CLEC4C: variants seen among roughly 807,000 people sequenced by gnomAD.
CLEC4C encodes the protein C-type lectin domain family 4 member C.
Under a neutral mutation model 27.7 loss-of-function variants are expected in CLEC4C, and 17 were observed. The ratio of observed to expected loss-of-function variants is 0.61; its 90% confidence interval spans 0.42 to 0.92. CLEC4C has a LOEUF of 0.92. CLEC4C is among the 40% of genes least tolerant of loss of function. CLEC4C has a pLI of 0.00. For synonymous variants in CLEC4C, 80 were observed against 80.8 expected, an observed-to-expected ratio of 0.99 and a Z score of 0.06; for missense variants, 244 against 257.3, an observed-to-expected ratio of 0.95 and a Z score of 0.35.
intron 4 of CLEC4C, among the ~76,000 whole-genome samples, chr12:7,732,387 C>T (rs1864616468): frequency 7.0e-6 from 1 of 142,852 alleles, no homozygotes; most frequent in Non-Finnish European, 1.5e-5. Context: ...GAGTCTCACT[C>T]TGTCGCCAGG....
chr12:7,746,953 T>C (rs1323959098), intron 1 of CLEC4C, among the ~76,000 whole-genome samples: 3 of 152,138 alleles, frequency 2.0e-5, no homozygotes, highest in Non-Finnish European at 4.4e-5. Flanking sequence ...GCCTCCCAAG[T>C]AGCTGGGATT....
chr12:7,737,287 T>C, intron 4 of CLEC4C, 142 bp downstream of exon 4: 1 of 666,600 alleles, frequency 1.5e-6, no homozygotes, highest in Non-Finnish European at 2.4e-6. Flanking sequence ...GAGATTTTCC[T>C]GTGTTTTTTG....
In CLEC4C at chr12:7,729,712, G is replaced by C; in HGVS notation, c.526C>G (p.Leu176Val). 6.2e-7 allele frequency: 1 copy of C among 1,613,878 alleles called. No homozygotes were observed. The highest frequency in any genetic ancestry group is 1.6e-4 in the Middle Eastern group (1 of 6,062). Residue 176 changes from leucine (L) to valine (V), a missense_variant, in exon 6 of 6, where the codon CTT becomes GTT. Leu to Val is a conservative substitution (Grantham distance 32). Coordinates refer to ENST00000360345, the MANE Select transcript of CLEC4C (RefSeq NM_001371390.1). Reference sequence around the variant, plus strand: ...TTTATTATCGCACAACGCTCATCAAGGTTATTGGGTTCACCTGAGTGCCAG... The same window carrying C: ...TTTATTATCGCACAACGCTCATCAACGTTATTGGGTTCACCTGAGTGCCAG... Reference protein sequence around the residue: ...TFWHSGEPNNLDERCAIINFR... With the variant: ...TFWHSGEPNNVDERCAIINFR...
intron 1 of CLEC4C, among the ~76,000 whole-genome samples, chr12:7,746,918 A>G (rs938059535): frequency 2.0e-5 from 3 of 151,838 alleles, no homozygotes; most frequent in Non-Finnish European, 2.9e-5. Context: ...TCCGCCTCCC[A>G]GGTTCAAGTG....
At chr12:7,734,622 C>T (rs996165401) in intron 4 of CLEC4C, among the ~76,000 whole-genome samples, 2 of 149,638 alleles carry the variant, frequency 1.3e-5, no homozygotes, top group Non-Finnish European at 2.9e-5. Context: ...GATCTTGGCT[C>T]ACTGCAACCT....
chr12:7,732,881 G>A (rs968458880), intron 4 of CLEC4C, among the ~76,000 whole-genome samples: 2 of 151,912 alleles, frequency 1.3e-5, no homozygotes, highest in South Asian at 2.1e-4. Flanking sequence ...CCCAGGAGGC[G>A]GAGCTGCAGT....
chr12:7,736,560 G>T (rs183862042), intron 4 of CLEC4C, among the ~76,000 whole-genome samples: 1 of 151,870 alleles, frequency 6.6e-6, no homozygotes, highest in East Asian at 1.9e-4. Flanking sequence ...AATTCTTCAG[G>T]ATCAAATTTC....
At chr12:7,730,499 G>C (rs7134635) in intron 5 of CLEC4C, among the ~76,000 whole-genome samples, 1 of 151,788 alleles carries the variant, frequency 6.6e-6, no homozygotes, top group Non-Finnish European at 1.5e-5. Flanking sequence ...AATTAGCTGC[G>C]TGTGGTGGCA....
At position 7,746,385 on chromosome 12, in the gene CLEC4C, T is replaced by A. The variant is rs982470897; in HGVS notation, c.70A>T (p.Met24Leu). 6.2e-7 allele frequency: 1 copy of A among 1,613,874 alleles called. No homozygotes were observed. Among genetic ancestry groups the A allele is most frequent in the Admixed American group, 1.7e-5 (1 of 59,972 alleles). ...AGGAGCAAGATGGATACGACTGCCATGGACCAGACCTTCAACTGGAACCAC... is the reference window on the plus strand; with the variant it reads ...AGGAGCAAGATGGATACGACTGCCAAGGACCAGACCTTCAACTGGAACCAC... ...LWWFQLKVWS[M>L]AVVSILLLSV... The change falls in exon 2 of 6, where the codon ATG (methionine) becomes TTG (leucine). Residue 24 changes from methionine to leucine, a missense_variant. Transcript: ENST00000360345.
intron 2 of CLEC4C, among the ~76,000 whole-genome samples, chr12:7,744,679 ATTATGGC>A (rs1455805391): frequency 6.6e-6 from 1 of 152,112 alleles, no homozygotes; most frequent in Non-Finnish European, 1.5e-5. Flanking sequence ...CAGTGGTACG[ATTATGGC>A]TCACTGCAGC....
rs145642210 is a variant in CLEC4C, at chr12:7,736,170, T to C, written c.381+1259A>G. Among the ~76,000 whole-genome samples the C allele has an allele frequency of 4.6e-3, 706 of 151,890 alleles. 4 individuals carry two copies. The highest frequency in any genetic ancestry group is 0.016 in the African/African-American group (669 of 41,428). On this transcript the variant is annotated intron_variant, in intron 4 of 5. Coordinates refer to ENST00000360345, the MANE Select transcript of CLEC4C (RefSeq NM_001371390.1). ...TGGTGGCACGCACCTGGAGTCCCAGTTACTCGGGAAGCTGAGGCAGGAGAA... is the reference window on the plus strand; with the variant it reads ...TGGTGGCACGCACCTGGAGTCCCAGCTACTCGGGAAGCTGAGGCAGGAGAA...
At chr12:7,733,356 T>C (rs934063501) in intron 4 of CLEC4C, among the ~76,000 whole-genome samples, 9 of 150,730 alleles carry the variant, frequency 6.0e-5, no homozygotes, top group Non-Finnish European at 1.2e-4. Flanking sequence ...CTTTGCTTTC[T>C]GGGTTCAAGC....
chr12:7,742,899 A>G (rs1198867187), intron 2 of CLEC4C, among the ~76,000 whole-genome samples: 1 of 152,160 alleles, frequency 6.6e-6, no homozygotes, highest in Non-Finnish European at 1.5e-5. Context: ...TCTCTTGCCC[A>G]TCCCATTTCA....
At position 7,741,509 on chromosome 12, in the gene CLEC4C, G is replaced by A; in HGVS notation, c.147C>T (p.Ser49=). Residue 49 remains serine (S), a synonymous_variant, in exon 3 of 6, where the codon AGC becomes AGT. Transcript: ENST00000360345. ...SSVVPHNFMY[S]KTVKRLSKLR... ...ACTTGGACAGCCTCTTGACAGTTTT[G>A]CTATACATAAAATTGTGAGGCACTG... 1 of 1,606,492 alleles carries A rather than the reference G, an allele frequency of 6.2e-7. No homozygotes were observed. Among genetic ancestry groups the A allele is most frequent in the East Asian group, 2.2e-5 (1 of 44,810 alleles).
intron 4 of CLEC4C, among the ~76,000 whole-genome samples, chr12:7,731,410 G>A (rs1288520776): frequency 2.0e-5 from 3 of 152,132 alleles, no homozygotes; most frequent in African/African-American, 7.2e-5. Flanking sequence ...ATCTAACTCA[G>A]CCAGAAGCTC....
upstream of CLEC4C, chr12:7,749,279 T>C (rs998922826): frequency 6.6e-6 from 1 of 152,098 alleles, no homozygotes; most frequent in Non-Finnish European, 1.5e-5. Context: ...TGTGGCCAGG[T>C]GTAGTGGCTC....
chr12:7,730,727 A>G (rs1864576140), intron 5 of CLEC4C, 70 bp downstream of exon 5: 2 of 756,212 alleles, frequency 2.6e-6, no homozygotes, highest in African/African-American at 1.8e-5. Flanking sequence ...TGTTTGCTTA[A>G]TAGCTGATGG....
At chr12:7,746,894 G>A (rs748380533) in intron 1 of CLEC4C, among the ~76,000 whole-genome samples, 5 of 152,020 alleles carry the variant, frequency 3.3e-5, no homozygotes, top group East Asian at 3.9e-4. Context: ...GCACGATCTC[G>A]GCTCACTGCA....
chr12:7,744,249 T>G (rs1324459320), intron 2 of CLEC4C, among the ~76,000 whole-genome samples: 2 of 152,220 alleles, frequency 1.3e-5, no homozygotes, highest in Non-Finnish European at 2.9e-5. Context: ...CTTTAAGCCC[T>G]TTTGTCTCTT....
Sources: gnomAD v4.1 joint callset for allele counts (sites outside exome capture counted in the v4.1 genomes callset) on GRCh38, gnomAD v4.1.1 for gene constraint, MANE v1.5 for transcripts, NCBI Gene and HGNC (gene_info 2026-07-23, HGNC 2026-07-21) for gene names.